Variants in NR2C2 observed in about 807,000 individuals in gnomAD.
The protein encoded by NR2C2 is nuclear receptor subfamily 2 group C member 2.
A neutral mutation model predicts 62.9 loss-of-function variants in NR2C2; 6 were observed. That is an observed-to-expected ratio of 0.10 (90% CI 0.05 to 0.19). The LOEUF (loss-of-function observed/expected upper bound fraction) is 0.19. NR2C2 is among the 10% of genes least tolerant of loss of function. The pLI is 1.00. For missense variants in NR2C2, 479 were observed against 762.7 expected, an observed-to-expected ratio of 0.63 and a Z score of 4.38; for synonymous variants, 272 against 273.8, an observed-to-expected ratio of 0.99 and a Z score of 0.07.
intron 2 of NR2C2, 152 bp from the exon 3 acceptor site, chr3:15,013,437 T>C (rs912714545): frequency 1.5e-6 from 1 of 657,344 alleles, no homozygotes; most frequent in Non-Finnish European, 2.7e-6. Flanking sequence ...TTGTGTTTTA[T>C]TTTTCTCAGT....
rs2042368515 is a variant in NR2C2 at position 15,044,118 on chromosome 3, G to A, written c.*1110G>A. 1 of 152,264 alleles carries A rather than the reference G, an allele frequency of 6.6e-6. No individual in the cohort carries two copies. Among genetic ancestry groups the A allele is most frequent in the Non-Finnish European group, 1.5e-5 (1 of 68,110 alleles). 9.4% of individuals were successfully genotyped at this position (152,264 alleles called of 1,614,324 possible). The stretch of plus-strand genomic sequence containing the variant: ...GTGTTTCTGCAGCTCCATCATAACT[G>A]TGAGGCTGGATTGGGGCTGGGCAGG... On this transcript the variant is annotated 3_prime_UTR_variant, in exon 14 of 14. Transcript: ENST00000425241.
chr3:14,993,669 A>C (rs2124855956), intron 1 of NR2C2, among the ~76,000 whole-genome samples: 1 of 149,392 alleles, frequency 6.7e-6, no homozygotes, highest in South Asian at 2.1e-4. Context: ...AGGGGATCCC[A>C]AACATTTTCT....
At chr3:14,987,161 C>T (rs978328421) in intron 1 of NR2C2, among the ~76,000 whole-genome samples, 11 of 152,290 alleles carry the variant, frequency 7.2e-5, no homozygotes, top group Non-Finnish European at 1.5e-4. Context: ...CAGCTCACTG[C>T]AATTTCAATC....
In NR2C2 at chr3:15,003,977, G is replaced by A. The variant is rs990460746; in HGVS notation, c.63G>A (p.Gln21=). ...ISTDSAVASP[Q]RIQIVTDQQT... Reference sequence around the variant, plus strand: ...CCGACTCTGCTGTAGCCTCACCTCAGCGCATTCAGGTACCTGCAACCTGCC... The same window carrying A: ...CCGACTCTGCTGTAGCCTCACCTCAACGCATTCAGGTACCTGCAACCTGCC... Residue 21 remains glutamine (Q), a synonymous_variant, in exon 2 of 14, where the codon CAG becomes CAA. Transcript: ENST00000425241. The A allele has an allele frequency of 1.2e-6, 2 of 1,608,160 alleles. No individual in the cohort carries two copies. The highest frequency in any genetic ancestry group is 8.5e-7 in the Non-Finnish European group (1 of 1,177,872).
chr3:14,987,627 T>G (rs1307168400), intron 1 of NR2C2, among the ~76,000 whole-genome samples: 2 of 152,224 alleles, frequency 1.3e-5, no homozygotes, highest in Non-Finnish European at 2.9e-5. Flanking sequence ...CGTACTTGTC[T>G]TCCTCCATAA....
At chr3:14,993,004 A>G (rs2040712793) in intron 1 of NR2C2, among the ~76,000 whole-genome samples, 1 of 152,258 alleles carries the variant, frequency 6.6e-6, no homozygotes, top group African/African-American at 2.4e-5. Context: ...AAAATAGGAT[A>G]AGGCAGAAGC....
intron 2 of NR2C2, among the ~76,000 whole-genome samples, chr3:15,012,472 C>T (rs1289577430): frequency 3.3e-5 from 5 of 152,140 alleles, no homozygotes; most frequent in African/African-American, 9.7e-5. Flanking sequence ...GTGATCCTCC[C>T]ACCTCGGCCT....
intron 1 of NR2C2, among the ~76,000 whole-genome samples, chr3:14,964,905 C>T (rs767964967): frequency 6.6e-6 from 1 of 152,144 alleles, no homozygotes; most frequent in Non-Finnish European, 1.5e-5. Context: ...GGATCCTGTC[C>T]TGGCAGCTCA....
chr3:15,010,884 A>G (rs1318018061), intron 2 of NR2C2, among the ~76,000 whole-genome samples: 3 of 152,180 alleles, frequency 2.0e-5, no homozygotes, highest in African/African-American at 7.2e-5. Context: ...CATGCTGGTT[A>G]TCTGTGTGTG....
Position 14,983,602 on chromosome 3 carries a change from G to A in NR2C2, c.-39-20274G>A, listed in dbSNP as rs572278531. Among the ~76,000 whole-genome samples the A allele has an allele frequency of 3.4e-4, 51 of 152,200 alleles. No homozygotes were observed. In the South Asian group the frequency reaches 0.01, roughly 30 times the overall value. Reference sequence around the variant, plus strand: ...ATGCTAGCCTCATAAAATGAGTTGGGAGAAGGTTCCCTTTTCTCCTCCCTC... The same window carrying A: ...ATGCTAGCCTCATAAAATGAGTTGGAAGAAGGTTCCCTTTTCTCCTCCCTC... On this transcript the variant is annotated intron_variant, in intron 1 of 13. Transcript: ENST00000425241.
At chr3:15,033,597 G>T (rs1340137051) in intron 10 of NR2C2, among the ~76,000 whole-genome samples, 2 of 149,880 alleles carry the variant, frequency 1.3e-5, no homozygotes, top group African/African-American at 4.9e-5. Flanking sequence ...TGGGAGAATG[G>T]CCTACCCCTT....
Position 15,045,357 on chromosome 3 carries a change from T to TA in NR2C2, c.*2350dup, listed in dbSNP as rs2042412910. 6.6e-6 allele frequency: 1 copy of TA among 152,654 alleles called. No individual in the cohort carries two copies. Among genetic ancestry groups the TA allele is most frequent in the South Asian group, 2.1e-4 (1 of 4,830 alleles). The allele number at this position is 152,654 out of a possible 1,614,324, so 9.5% of individuals were successfully genotyped here. A position where few individuals can be genotyped will look rare whatever the true frequency, so the allele number is the denominator to read the frequency against. Reference sequence around the variant, plus strand: ...ATTCAGTGGCAGCCAGTAGGCTGCTTAGACTCAGGCTGGATAAGGAAGTGT... The same window carrying TA: ...ATTCAGTGGCAGCCAGTAGGCTGCTTAAGACTCAGGCTGGATAAGGAAGTGT... On this transcript the variant is annotated 3_prime_UTR_variant, in exon 14 of 14. Transcript: ENST00000425241.
chr3:14,954,232 T>G (rs1425749361), intron 1 of NR2C2, among the ~76,000 whole-genome samples: 3 of 152,186 alleles, frequency 2.0e-5, no homozygotes, highest in Non-Finnish European at 4.4e-5. Context: ...ATAATTAGAC[T>G]GTGTTGTTGA....
chr3:14,983,462 T>TACACACACACACACACACACACAC (rs34788861), intron 1 of NR2C2, among the ~76,000 whole-genome samples: 1 of 146,778 alleles, frequency 6.8e-6, no homozygotes, highest in African/African-American at 2.5e-5. Context: ...ATACTCTTTA[T>TACACACACACACACACACACACAC]ACACACACAC....
In NR2C2 at chr3:15,043,848, T is replaced by C. The variant is rs141797055; in HGVS notation, c.*840T>C. On this transcript the variant is annotated 3_prime_UTR_variant, in exon 14 of 14. Coordinates refer to ENST00000425241, the MANE Select transcript of NR2C2 (RefSeq NM_001291694.2). Reference sequence around the variant, plus strand: ...GAATTGGATTGCAACTAGTCAGACATTAACTGCCAAATGAGATGTACAGTT... The same window carrying C: ...GAATTGGATTGCAACTAGTCAGACACTAACTGCCAAATGAGATGTACAGTT... 3 of 152,364 alleles carry C rather than the reference T, an allele frequency of 2.0e-5. No homozygotes were observed. The East Asian group carries it at 5.8e-4, about 29-fold the overall frequency. 9.4% of individuals were successfully genotyped at this position (152,364 alleles called of 1,614,324 possible).
At chr3:14,997,944 T>A (rs2040879156) in intron 1 of NR2C2, among the ~76,000 whole-genome samples, 1 of 152,204 alleles carries the variant, frequency 6.6e-6, no homozygotes, top group Non-Finnish European at 1.5e-5. Context: ...TAGCAATTAT[T>A]CTTGCTACCC....
At chr3:15,038,250 A>AC (rs2042158437) in intron 12 of NR2C2, 113 bp downstream of exon 12, 19 of 1,135,102 alleles carry the variant, frequency 1.7e-5, no homozygotes, top group Middle Eastern at 2.1e-4. Context: ...ATTGTATGTG[A>AC]CCTAGTGTTC....
chr3:15,000,864 G>A (rs1052048236), intron 1 of NR2C2, among the ~76,000 whole-genome samples: 1 of 147,806 alleles, frequency 6.8e-6, no homozygotes, highest in Non-Finnish European at 1.5e-5. Context: ...GCCAAGGCTG[G>A]AATGCAGTGG....
intron 1 of NR2C2, among the ~76,000 whole-genome samples, chr3:14,995,673 G>C (rs960523726): frequency 6.6e-6 from 1 of 151,498 alleles, no homozygotes; most frequent in Non-Finnish European, 1.5e-5. Flanking sequence ...CATTACGTGT[G>C]TGTGTGTGTG....
Sources: gnomAD v4.1 joint callset for allele counts (sites outside exome capture counted in the v4.1 genomes callset) on GRCh38, gnomAD v4.1.1 for gene constraint, MANE v1.5 for transcripts, NCBI Gene and HGNC (gene_info 2026-07-23, HGNC 2026-07-21) for gene names.